The following TRAPPC10 variants were observed in gnomAD, a reference collection of about 807,000 sequenced individuals.
The protein encoded by TRAPPC10 is trafficking protein particle complex subunit 10.
A neutral mutation model predicts 125.5 loss-of-function variants in TRAPPC10; 23 were observed. That is an observed-to-expected ratio of 0.18 (90% CI 0.13 to 0.26). The LOEUF (loss-of-function observed/expected upper bound fraction) is 0.26, where lower values mean the gene tolerates loss of function less well. TRAPPC10 is among the 10% of genes least tolerant of loss of function. The pLI is 1.00. For synonymous variants in TRAPPC10, 509 were observed against 518.0 expected, an observed-to-expected ratio of 0.98 and a Z score of 0.24; for missense variants, 1,123 against 1,308.4, an observed-to-expected ratio of 0.86 and a Z score of 2.19.
intron 13 of TRAPPC10, among the ~76,000 whole-genome samples, chr21:44,081,020 T>C (rs1370538201): frequency 1.0e-4 from 14 of 134,914 alleles, no homozygotes; most frequent in African/African-American, 2.2e-4. Context: ...TTTTTTTCTT[T>C]TTTTTTTTTT....
Position 44,084,984 on chromosome 21 carries a change from C to G in TRAPPC10, c.2380+721C>G, listed in dbSNP as rs368303533. On this transcript the variant is annotated intron_variant, in intron 15 of 22. Coordinates refer to ENST00000291574, the MANE Select transcript of TRAPPC10 (RefSeq NM_003274.5). ...CACCCTCCAGGAACCTCCATGTGTT[C>G]AGCTGCCTGAAAGCTCTCCAGACCC... Among the ~76,000 whole-genome samples, 20 of 152,370 alleles carry G rather than the reference C, an allele frequency of 1.3e-4. No individual in the cohort carries two copies. In the East Asian group the frequency reaches 2.3e-3, roughly 18 times the overall value.
intron 1 of TRAPPC10, among the ~76,000 whole-genome samples, chr21:44,027,747 C>T (rs1038745414): frequency 6.6e-6 from 1 of 152,160 alleles, no homozygotes; most frequent in Admixed American, 6.6e-5. Context: ...GCAGCTGTTC[C>T]ATGACCCTAA....
At position 44,025,821 on chromosome 21, in the gene TRAPPC10, G is replaced by GGTGTGTGT. The variant is rs59898602; in HGVS notation, c.68-6217_68-6210dup. 7.4e-4 allele frequency among the ~76,000 whole-genome samples: 81 copies of GGTGTGTGT among 109,938 alleles called. 1 individual carries two copies. Among genetic ancestry groups the GGTGTGTGT allele is most frequent in the South Asian group, 1.7e-3 (5 of 2,978 alleles). 72.1% of individuals were successfully genotyped at this position (109,938 alleles called of 152,430 possible). On this transcript the variant is annotated intron_variant, in intron 1 of 22. Coordinates refer to ENST00000291574, the MANE Select transcript of TRAPPC10 (RefSeq NM_003274.5). ...CTGGGAGAGAGCAGCAGAGGGCAGG[G>GGTGTGTGT]GTGTGTGTGTGTGTGTGTGTGTGTG...
At chr21:44,079,255 G>T (rs2037502606) in intron 11 of TRAPPC10, among the ~76,000 whole-genome samples, 1 of 152,100 alleles carries the variant, frequency 6.6e-6, no homozygotes, top group African/African-American at 2.4e-5. Context: ...TGAATGATAG[G>T]CTCACTTTCT....
chr21:44,092,940 GCACCCGCCAACACGC>G (rs2038686814), intron 19 of TRAPPC10, among the ~76,000 whole-genome samples: 1 of 152,174 alleles, frequency 6.6e-6, no homozygotes, highest in Non-Finnish European at 1.5e-5. Context: ...GGGATTACAG[GCACCCGCCAACACGC>G]CCAGCTAATT....
At chr21:44,029,337 A>G (rs2238709) in intron 1 of TRAPPC10, among the ~76,000 whole-genome samples, 4 of 151,922 alleles carry the variant, frequency 2.6e-5, no homozygotes, top group African/African-American at 9.7e-5. Flanking sequence ...CTTGTGATCC[A>G]CCCACCTCGG....
At chr21:44,092,184 T>A in intron 19 of TRAPPC10, 135 bp downstream of exon 19, 1 of 1,124,798 alleles carries the variant, frequency 8.9e-7, no homozygotes, top group Non-Finnish European at 1.2e-6. Context: ...CCTGTGCAGC[T>A]CCTCCGGCTG....
At chr21:44,046,513 T>TA in intron 3 of TRAPPC10, 1 of 170,828 alleles carries the variant, frequency 5.9e-6, no homozygotes. Context: ...TAAGTTTTTT[T>TA]TTTTTTTTTG....
At position 44,076,303 on chromosome 21, in the gene TRAPPC10, T is replaced by C. The variant is rs117979781; in HGVS notation, c.1301-249T>C. On this transcript the variant is annotated intron_variant, in intron 9 of 22. Transcript: ENST00000291574. ...TTAATTCATCGGAGTATTTGTAATA[T>C]ATGTTTCTAAAAAAGTTTAGTTCTA... Among the ~76,000 whole-genome samples, 282 of 152,356 alleles carry C rather than the reference T, an allele frequency of 1.9e-3. 9 individuals are homozygous for C. The East Asian group carries it at 0.036, about 19-fold the overall frequency.
Position 44,077,803 on chromosome 21 carries a change from T to G in TRAPPC10, c.1469+19T>G. ...TTTACATGTAATTGATTTTGTACTT[T>G]TCTTTGAATTCTAAACATACAAATA... On this transcript the variant is annotated intron_variant, in intron 11 of 22. Coordinates refer to ENST00000291574, the MANE Select transcript of TRAPPC10 (RefSeq NM_003274.5). 1.9e-6 allele frequency: 3 copies of G among 1,552,080 alleles called. No individual in the cohort carries two copies. Among genetic ancestry groups the G allele is most frequent in the Non-Finnish European group, 2.7e-6 (3 of 1,126,504 alleles).
chr21:44,047,881 CTT>C (rs1488842451), intron 3 of TRAPPC10, among the ~76,000 whole-genome samples: 2 of 152,190 alleles, frequency 1.3e-5, no homozygotes, highest in Non-Finnish European at 2.9e-5. Flanking sequence ...TACTGTAACT[CTT>C]TTAATTGCTT....
At chr21:44,044,563 A>G (rs1031423859) in intron 3 of TRAPPC10, among the ~76,000 whole-genome samples, 6 of 148,524 alleles carry the variant, frequency 4.0e-5, no homozygotes, top group African/African-American at 1.5e-4. Flanking sequence ...GTTGTCATAC[A>G]TTTTCTATAC....
At chr21:44,072,677 T>G (rs1320635254) in intron 7 of TRAPPC10, among the ~76,000 whole-genome samples, 4 of 152,206 alleles carry the variant, frequency 2.6e-5, no homozygotes, top group Non-Finnish European at 5.9e-5. Flanking sequence ...TTGGTCAGGC[T>G]GGTCTCAAAC....
At position 44,059,174 on chromosome 21, in the gene TRAPPC10, C is replaced by T. The variant is rs2838475; in HGVS notation, c.750C>T (p.Asp250=). 147,332 of 1,610,974 alleles carry T rather than the reference C, an allele frequency of 0.091. 7,337 individuals carry two copies. The highest frequency in any genetic ancestry group is 0.15 in the Middle Eastern group (903 of 5,874). The change falls in exon 6 of 23, where the codon GAC becomes GAT. Residue 250 remains aspartate (D), a synonymous_variant. Transcript: ENST00000291574. The surrounding 1 kb of genome is among the most constrained non-coding windows in gnomAD (Gnocchi z 4.4). Reference sequence around the variant, plus strand: ...CCCTGGTGCAGTACGACGAACTGGACGCCCTCTTCTCTCAGTATGTGGTCA... The same window carrying T: ...CCCTGGTGCAGTACGACGAACTGGATGCCCTCTTCTCTCAGTATGTGGTCA... The part of the protein sequence containing the change: ...EDALVQYDEL[D]ALFSQYVVNF...
chr21:44,048,789 C>A (rs902531065), intron 3 of TRAPPC10, among the ~76,000 whole-genome samples: 1 of 150,556 alleles, frequency 6.6e-6, no homozygotes, highest in African/African-American at 2.5e-5. Flanking sequence ...CCACCATGCC[C>A]ACCCTGTGTT....
intron 10 of TRAPPC10, 59 bp downstream of exon 10, chr21:44,076,687 G>A (rs2037307951): frequency 6.9e-7 from 1 of 1,440,142 alleles, no homozygotes; most frequent in African/African-American, 1.4e-5. Flanking sequence ...AGAAGGCTTT[G>A]CTACATGGCC....
At chr21:44,051,988 G>A (rs2035263670) in intron 3 of TRAPPC10, among the ~76,000 whole-genome samples, 1 of 152,208 alleles carries the variant, frequency 6.6e-6, no homozygotes, top group South Asian at 2.1e-4. Flanking sequence ...ATTGCTGTGG[G>A]CAGCTCACTC....
At chr21:44,058,441 A>T (rs748214292) in intron 5 of TRAPPC10, among the ~76,000 whole-genome samples, 8 of 152,138 alleles carry the variant, frequency 5.3e-5, no homozygotes. Context: ...GGGCCTGGGG[A>T]TGTCTCGAAA....
At chr21:44,039,602 C>A (rs1377830128) in intron 3 of TRAPPC10, among the ~76,000 whole-genome samples, 2 of 152,206 alleles carry the variant, frequency 1.3e-5, no homozygotes, top group Non-Finnish European at 2.9e-5. Flanking sequence ...CATGGTGGCT[C>A]ACGCTTGTAA....
Sources: allele counts gnomAD v4.1 joint callset (sites outside exome capture counted in the v4.1 genomes callset), GRCh38; gene constraint gnomAD v4.1.1; non-coding constraint Gnocchi (gnomAD v3.1); transcripts MANE v1.5; gene names NCBI Gene and HGNC (gene_info 2026-07-23, HGNC 2026-07-21).